The following KLF8 variants were observed in gnomAD, a reference collection of about 807,000 sequenced individuals.
KLF8 encodes the protein Krueppel-like factor 8.
In KLF8, 10 loss-of-function variants were observed where a neutral mutation model predicts 18.2. The ratio of observed to expected loss-of-function variants is 0.55; its 90% CI spans 0.34 to 0.93. The LOEUF (loss-of-function observed/expected upper bound fraction) is 0.93, where lower values mean the gene tolerates loss of function less well. Ranked by LOEUF, KLF8 falls within the 40% of genes least tolerant of loss-of-function variation. The probability of loss-of-function intolerance (pLI) is 0.02; values close to 1 mark genes in which losing one functional copy is unlikely to be tolerated. For synonymous variants in KLF8, 109 were observed against 97.3 expected (o/e 1.12, Z -0.71); for missense variants, 264 against 277.9 (o/e 0.95, Z 0.36).
At chrX:56,035,288 T>A in the KLF8 span, among the ~76,000 whole-genome samples, 1 of 111,999 alleles carries the variant, frequency 8.9e-6, no homozygotes, top group Non-Finnish European at 1.9e-5. Flanking sequence ...TTGCTGAGAA[T>A]TCCAGGATTT....
the KLF8 span, among the ~76,000 whole-genome samples, chrX:56,197,998 T>C: frequency 8.9e-6 from 1 of 112,033 alleles, no homozygotes. Flanking sequence ...CACATGATTA[T>C]CTCAATAGAT....
At chrX:56,044,622 A>G in the KLF8 span, among the ~76,000 whole-genome samples, 1 of 112,910 alleles carries the variant, frequency 8.9e-6, no homozygotes, top group South Asian at 3.6e-4. Context: ...GTGGGGGACC[A>G]TCCCTTGTCC....
At chrX:56,266,975 T>C in intron 3 of KLF8, 1 of 753,413 alleles carries the variant, frequency 1.3e-6, no homozygotes, top group Non-Finnish European at 1.6e-6. Context: ...TGAGATGTGA[T>C]ATCCATTCCA....
chrX:56,053,550 T>TGTTTTC, the KLF8 span, among the ~76,000 whole-genome samples: 2 of 103,840 alleles, frequency 1.9e-5, no homozygotes, highest in African/African-American at 7.0e-5. Context: ...CTTTGTTTTT[T>TGTTTTC]TTTTTTTGGG....
the KLF8 span, among the ~76,000 whole-genome samples, chrX:56,052,318 G>A: frequency 8.9e-6 from 1 of 112,430 alleles, no homozygotes; most frequent in East Asian, 2.8e-4. Context: ...GTGAGGACCT[G>A]TGTTCCTTTG....
chrX:55,959,706 A>G, the KLF8 span, among the ~76,000 whole-genome samples: 2 of 111,848 alleles, frequency 1.8e-5, no homozygotes, highest in Non-Finnish European at 3.8e-5. Context: ...AAAAAGAATA[A>G]AAATGAATGA....
At chrX:56,055,027 C>T in the KLF8 span, among the ~76,000 whole-genome samples, 2 of 111,591 alleles carry the variant, frequency 1.8e-5, no homozygotes, top group East Asian at 2.8e-4. Flanking sequence ...GGAATTTAAT[C>T]GACCTTACTA....
At chrX:56,195,051 C>T in the KLF8 span, among the ~76,000 whole-genome samples, 1 of 112,002 alleles carries the variant, frequency 8.9e-6, no homozygotes, top group African/African-American at 3.2e-5. Context: ...ACAAAAAGGT[C>T]ATCTACATCA....
the KLF8 span, among the ~76,000 whole-genome samples, chrX:55,954,953 G>A: frequency 9.0e-6 from 1 of 111,683 alleles, no homozygotes; most frequent in Non-Finnish European, 1.9e-5. Context: ...TTCAGAACAG[G>A]AACAGAAGGT....
the KLF8 span, among the ~76,000 whole-genome samples, chrX:55,960,470 A>G: frequency 2.7e-5 from 3 of 111,455 alleles, no homozygotes; most frequent in Non-Finnish European, 5.7e-5. Context: ...AGCCAAGAGC[A>G]TGCCATTTCA....
chrX:56,184,278 G>A, the KLF8 span, among the ~76,000 whole-genome samples: 1 of 112,099 alleles, frequency 8.9e-6, no homozygotes, highest in Non-Finnish European at 1.9e-5. Flanking sequence ...TGCTAGCACA[G>A]CAGTCTGAGA....
chrX:56,180,798 C>G, the KLF8 span, among the ~76,000 whole-genome samples: 12 of 112,109 alleles, frequency 1.1e-4, 2 homozygotes, highest in South Asian at 4.1e-3. Flanking sequence ...ATCCTGAGTT[C>G]TAATTTGATT....
the KLF8 span, among the ~76,000 whole-genome samples, chrX:56,025,667 T>G: frequency 8.9e-6 from 1 of 111,874 alleles, no homozygotes; most frequent in Non-Finnish European, 1.9e-5. Context: ...TCTTCTGTTC[T>G]AGCTATTACT....
the KLF8 span, among the ~76,000 whole-genome samples, chrX:56,003,996 A>G: frequency 8.9e-6 from 1 of 112,240 alleles, no homozygotes; most frequent in African/African-American, 3.2e-5. Context: ...TAACCAAATC[A>G]TGTCCTTTCT....
At chrX:55,970,160 A>G in the KLF8 span, among the ~76,000 whole-genome samples, 3 of 111,567 alleles carry the variant, frequency 2.7e-5, no homozygotes, top group African/African-American at 9.8e-5. Context: ...TGAACATTGA[A>G]TTGAAAATCC....
chrX:55,938,963 C>A, the KLF8 span, among the ~76,000 whole-genome samples: 4 of 111,883 alleles, frequency 3.6e-5, no homozygotes, highest in African/African-American at 9.8e-5. Flanking sequence ...TTAGAAAGAT[C>A]AATGAGACAG....
the KLF8 span, among the ~76,000 whole-genome samples, chrX:56,051,408 G>T: frequency 9.0e-6 from 1 of 110,514 alleles, no homozygotes; most frequent in Non-Finnish European, 1.9e-5. Context: ...GGCTGGTGCC[G>T]GTTGTTCCTT....
At chrX:56,084,829 C>T in the KLF8 span, among the ~76,000 whole-genome samples, 1 of 111,689 alleles carries the variant, frequency 9.0e-6, no homozygotes, top group African/African-American at 3.3e-5. Flanking sequence ...AAGTGTTTAA[C>T]ACAAAAAAGG....
At chrX:55,986,536 A>C in the KLF8 span, among the ~76,000 whole-genome samples, 1 of 111,962 alleles carries the variant, frequency 8.9e-6, no homozygotes, top group Non-Finnish European at 1.9e-5. Context: ...GAGAACCTGG[A>C]TATTTTAGCT....
Sources: gnomAD v4.1 joint callset for allele counts (sites outside exome capture counted in the v4.1 genomes callset) on GRCh38, gnomAD v4.1.1 for gene constraint, MANE v1.5 for transcripts, NCBI Gene and HGNC (gene_info 2026-07-23, HGNC 2026-07-21) for gene names.